The following SKIC3 variants were observed in gnomAD, a reference collection of about 807,000 sequenced individuals.
SKIC3 encodes superkiller complex protein 3.
chr5:95,466,945 C>T, the SKIC3 span, among the ~76,000 whole-genome samples: 49 of 151,844 alleles, frequency 3.2e-4, no homozygotes, highest in Admixed American at 1.6e-3. Flanking sequence ...GAAATAACAA[C>T]GGTAAATAAA....
At chr5:95,529,987 C>T in the SKIC3 span, 1 of 1,445,070 alleles carries the variant, frequency 6.9e-7, no homozygotes, top group Non-Finnish European at 9.5e-7. Flanking sequence ...TTTTTCCCTT[C>T]CACCTTAGAT....
the SKIC3 span, chr5:95,478,241 A>T: frequency 6.2e-7 from 1 of 1,606,216 alleles, no homozygotes; most frequent in Non-Finnish European, 8.5e-7. Context: ...ACGTCAAAGA[A>T]AGATAAAAAA....
At chr5:95,497,263 G>A in the SKIC3 span, among the ~76,000 whole-genome samples, 942 of 152,286 alleles carry the variant, frequency 6.2e-3, 9 homozygotes, top group Middle Eastern at 0.01. Flanking sequence ...TCTAGTATTC[G>A]TTGAATGACT....
chr5:95,485,014 GAA>G, the SKIC3 span, among the ~76,000 whole-genome samples: 10 of 152,170 alleles, frequency 6.6e-5, no homozygotes, highest in Non-Finnish European at 1.2e-4. Context: ...GCAGGTTTCT[GAA>G]AAGTTTCATG....
chr5:95,546,098 T>C, the SKIC3 span, among the ~76,000 whole-genome samples: 1 of 152,116 alleles, frequency 6.6e-6, no homozygotes, highest in South Asian at 2.1e-4. Flanking sequence ...ACTCCAGGGC[T>C]CACCACTGTC....
chr5:95,487,673 A>G, the SKIC3 span, among the ~76,000 whole-genome samples: 1 of 152,236 alleles, frequency 6.6e-6, no homozygotes, highest in African/African-American at 2.4e-5. Context: ...CCATGGATAC[A>G]TCTTCAGGAA....
the SKIC3 span, among the ~76,000 whole-genome samples, chr5:95,539,475 GAAAC>G: frequency 6.6e-6 from 1 of 152,076 alleles, no homozygotes. Flanking sequence ...TGGTAAAAAG[GAAAC>G]ACTTCTACAC....
the SKIC3 span, among the ~76,000 whole-genome samples, chr5:95,486,094 C>A: frequency 6.6e-6 from 1 of 152,152 alleles, no homozygotes; most frequent in Non-Finnish European, 1.5e-5. Context: ...TGGCATTGGT[C>A]CAAAGTGGGA....
the SKIC3 span, chr5:95,502,798 G>A: frequency 4.4e-6 from 7 of 1,581,898 alleles, no homozygotes; most frequent in Non-Finnish European, 6.0e-6. Flanking sequence ...CCTAAAACAT[G>A]AAGAACTTAC....
the SKIC3 span, among the ~76,000 whole-genome samples, chr5:95,503,495 C>G: frequency 6.6e-6 from 1 of 152,204 alleles, no homozygotes; most frequent in African/African-American, 2.4e-5. Context: ...AAATTAACAT[C>G]TAAGCAGTGT....
At chr5:95,493,516 T>C in the SKIC3 span, among the ~76,000 whole-genome samples, 1 of 152,064 alleles carries the variant, frequency 6.6e-6, no homozygotes, top group South Asian at 2.1e-4. Flanking sequence ...AACCTACCAA[T>C]ATATATATAA....
chr5:95,514,844 A>T, the SKIC3 span: 1 of 1,610,804 alleles, frequency 6.2e-7, no homozygotes, highest in African/African-American at 1.3e-5. Context: ...ACTATATGTT[A>T]TATTTCTTAC....
chr5:95,502,830 A>C, the SKIC3 span: 1 of 1,606,658 alleles, frequency 6.2e-7, no homozygotes. Context: ...TTCTCAACCC[A>C]AATATCTAAG....
chr5:95,517,490 G>A, the SKIC3 span, among the ~76,000 whole-genome samples: 1 of 152,086 alleles, frequency 6.6e-6, no homozygotes, highest in Non-Finnish European at 1.5e-5. Context: ...AGAAGAAAAG[G>A]AGAAAGGGAA....
the SKIC3 span, among the ~76,000 whole-genome samples, chr5:95,467,057 A>C: frequency 6.6e-6 from 1 of 152,194 alleles, no homozygotes. Context: ...AGATGGTCAT[A>C]TATTTGTATT....
At chr5:95,491,011 T>G in the SKIC3 span, 1 of 1,614,060 alleles carries the variant, frequency 6.2e-7, no homozygotes, top group South Asian at 1.1e-5. Flanking sequence ...AGGCTGCCAT[T>G]AGCCCAGCCC....
At chr5:95,486,000 T>C in the SKIC3 span, among the ~76,000 whole-genome samples, 1 of 152,140 alleles carries the variant, frequency 6.6e-6, no homozygotes, top group Non-Finnish European at 1.5e-5. Context: ...TTTACATTCC[T>C]ACCATGGACT....
chr5:95,488,866 AT>A, the SKIC3 span, among the ~76,000 whole-genome samples: 1 of 152,216 alleles, frequency 6.6e-6, no homozygotes, highest in African/African-American at 2.4e-5. Flanking sequence ...CAAAAAAAAA[AT>A]CAACTAATTA....
the SKIC3 span, among the ~76,000 whole-genome samples, chr5:95,515,966 A>C: frequency 6.6e-6 from 1 of 152,130 alleles, no homozygotes. Context: ...AGAAAGGTTA[A>C]ATTTAAGCTG....
Sources: gnomAD v4.1 joint callset for allele counts (sites outside exome capture counted in the v4.1 genomes callset) on GRCh38, gnomAD v4.1.1 for gene constraint, MANE v1.5 for transcripts, NCBI Gene and HGNC (gene_info 2026-07-23, HGNC 2026-07-21) for gene names.